Variants in MAP4 observed in about 807,000 individuals in gnomAD.
MAP4 encodes the protein microtubule-associated protein 4.
A neutral mutation model predicts 170.2 loss-of-function variants in MAP4; 76 were observed. The observed-to-expected ratio is 0.45, with a 90% CI of 0.37 to 0.54. MAP4 has a LOEUF of 0.54. Among genes scored for constraint, MAP4 ranks in the 20% least tolerant of loss-of-function variants. The pLI is 0.00. For missense variants in MAP4, 2,506 were observed against 2,748.0 expected, an observed-to-expected ratio of 0.91 and a Z score of 1.97; for synonymous variants, 909 against 994.5, an observed-to-expected ratio of 0.91 and a Z score of 1.62.
At position 47,910,364 on chromosome 3, in the gene MAP4, T is replaced by C. The variant is rs1577434989; in HGVS notation, c.4057A>G (p.Thr1353Ala). ...TTACTTGGTTTGTCAGCCACTGCAG[T>C]GTATCTATTGGCTGCATCTGTCTTA... ...ENKTDAANRYTAVADKPSKRS... is the reference protein window; with the variant it reads ...ENKTDAANRYAAVADKPSKRS... Residue 1353 changes from threonine (T) to alanine (A), a missense_variant, in exon 9 of 21, where the codon ACT (threonine) becomes GCT (alanine). By Grantham distance (58) the Thr-to-Ala change is moderately conservative (BLOSUM62 0). Coordinates refer to ENST00000683076, the MANE Select transcript of MAP4 (RefSeq NM_001385682.1). 4 of 1,538,302 alleles carry C rather than the reference T, an allele frequency of 2.6e-6. No homozygotes were observed. Among genetic ancestry groups the C allele is most frequent in the East Asian group, 2.4e-5 (1 of 41,098 alleles).
chr3:48,062,494 T>TAAAAAAAAAAA (rs1156947592), intron 1 of MAP4, among the ~76,000 whole-genome samples: 8 of 81,550 alleles, frequency 9.8e-5, no homozygotes, highest in Non-Finnish European at 1.8e-4. Flanking sequence ...GAATGATCAA[T>TAAAAAAAAAAA]AAAAAAAAAA....
intron 1 of MAP4, among the ~76,000 whole-genome samples, chr3:48,049,681 C>A (rs905456608): frequency 6.6e-6 from 1 of 151,878 alleles, no homozygotes; most frequent in Non-Finnish European, 1.5e-5. Flanking sequence ...GCCTGTAATC[C>A]CAGCACTTTG....
intron 1 of MAP4, among the ~76,000 whole-genome samples, chr3:48,056,164 G>T (rs1168273847): frequency 2.1e-5 from 3 of 140,060 alleles, no homozygotes; most frequent in African/African-American, 7.6e-5. Flanking sequence ...GGAGGGAGGT[G>T]GGGGGTCAGC....
intron 1 of MAP4, among the ~76,000 whole-genome samples, chr3:48,087,751 A>ACACACACACGCGCG (rs1559930177): frequency 6.7e-5 from 9 of 134,106 alleles, no homozygotes; most frequent in Non-Finnish European, 1.1e-4. Flanking sequence ...ACGCGCACAC[A>ACACACACACGCGCG]CACACACACA....
At chr3:47,945,516 G>A (rs2100059222) in intron 3 of MAP4, among the ~76,000 whole-genome samples, 2 of 151,918 alleles carry the variant, frequency 1.3e-5, no homozygotes, top group Non-Finnish European at 2.9e-5. Flanking sequence ...TACCTAGGTG[G>A]TGCCTAATAA....
chr3:48,021,267 A>G (rs1407459259), upstream of MAP4, among the ~76,000 whole-genome samples: 2 of 152,170 alleles, frequency 1.3e-5, no homozygotes, highest in African/African-American at 2.4e-5. Context: ...GGAAAAACCT[A>G]TAAGGTTTTA....
intron 9 of MAP4, among the ~76,000 whole-genome samples, chr3:47,904,200 T>A (rs542523296): frequency 6.6e-6 from 1 of 152,340 alleles, no homozygotes; most frequent in East Asian, 1.9e-4. Context: ...TTTTCTCACC[T>A]GAAAAATGGA....
intron 3 of MAP4, among the ~76,000 whole-genome samples, chr3:47,959,296 A>G (rs375698107): frequency 6.6e-6 from 1 of 152,124 alleles, no homozygotes; most frequent in East Asian, 1.9e-4. Flanking sequence ...CGTCTCTACT[A>G]AAAATATAAA....
chr3:47,969,846 C>T lies in MAP4; in HGVS notation c.292+8019G>A, dbSNP rs553746498. 7.4e-4 allele frequency among the ~76,000 whole-genome samples: 110 copies of T among 149,258 alleles called. 1 individual carries two copies. Among genetic ancestry groups the T allele is most frequent in the African/African-American group, 2.6e-3 (107 of 40,462 alleles). ...CTGCACTCCAGCCTGGGCGACAGAGCAAGACTCTGTCTCAAAAAAAAAAAA... is the reference window on the plus strand; with the variant it reads ...CTGCACTCCAGCCTGGGCGACAGAGTAAGACTCTGTCTCAAAAAAAAAAAA... On this transcript the variant is annotated intron_variant, in intron 3 of 20. Transcript: ENST00000683076.
chr3:47,958,114 T>C (rs1313760706), intron 3 of MAP4, among the ~76,000 whole-genome samples: 1 of 152,172 alleles, frequency 6.6e-6, no homozygotes, highest in South Asian at 2.1e-4. Flanking sequence ...TGGGAAAGAT[T>C]GAGCCCAATT....
At chr3:48,000,467 A>C (rs2100098537) in intron 1 of MAP4, among the ~76,000 whole-genome samples, 1 of 152,140 alleles carries the variant, frequency 6.6e-6, no homozygotes, top group African/African-American at 2.4e-5. Flanking sequence ...GTTTGTCCAG[A>C]AATCTATTCT....
intron 2 of MAP4, among the ~76,000 whole-genome samples, chr3:47,991,373 CA>C: frequency 6.6e-6 from 1 of 152,126 alleles, no homozygotes; most frequent in Non-Finnish European, 1.5e-5. Context: ...GTTGTAAGAA[CA>C]TATCGAGAGC....
chr3:48,028,693 A>G (rs889275198), intron 1 of MAP4, among the ~76,000 whole-genome samples: 1 of 151,662 alleles, frequency 6.6e-6, no homozygotes, highest in Non-Finnish European at 1.5e-5. Flanking sequence ...AACTGCTTGA[A>G]CCCAGGAGGC....
intron 4 of MAP4, among the ~76,000 whole-genome samples, chr3:47,926,152 G>A (rs1002674733): frequency 6.6e-5 from 10 of 151,226 alleles, no homozygotes; most frequent in African/African-American, 1.9e-4. Flanking sequence ...CACCACGCCC[G>A]GCCAATTCAG....
At chr3:47,984,656 A>C (rs1001166000) in intron 2 of MAP4, among the ~76,000 whole-genome samples, 2 of 151,182 alleles carry the variant, frequency 1.3e-5, no homozygotes, top group African/African-American at 4.9e-5. Context: ...ACATCACAAA[A>C]CCCTGTCTCT....
chr3:48,070,759 G>C (rs2100140561), intron 1 of MAP4, among the ~76,000 whole-genome samples: 1 of 151,634 alleles, frequency 6.6e-6, no homozygotes, highest in African/African-American at 2.4e-5. Flanking sequence ...CCAGCACTTT[G>C]GGAGGCAGAG....
At chr3:47,900,325 A>G (rs1356738697) in intron 10 of MAP4, among the ~76,000 whole-genome samples, 1 of 152,230 alleles carries the variant, frequency 6.6e-6, no homozygotes, top group African/African-American at 2.4e-5. Flanking sequence ...TTAACTCAAG[A>G]AAATAAATCA....
intron 1 of MAP4, among the ~76,000 whole-genome samples, chr3:48,008,294 C>G (rs1175286949): frequency 6.6e-6 from 1 of 152,178 alleles, no homozygotes; most frequent in Admixed American, 6.5e-5. Context: ...GATCAGCTGA[C>G]AGAGGAAAAG....
At chr3:47,921,476 C>T (rs987682201) in intron 5 of MAP4, among the ~76,000 whole-genome samples, 5 of 152,048 alleles carry the variant, frequency 3.3e-5, no homozygotes, top group Non-Finnish European at 7.4e-5. Context: ...CCACAATTTG[C>T]GGCCCCTAGA....
Sources: gnomAD v4.1 joint callset for allele counts (sites outside exome capture counted in the v4.1 genomes callset) on GRCh38, gnomAD v4.1.1 for gene constraint, MANE v1.5 for transcripts, NCBI Gene and HGNC (gene_info 2026-07-23, HGNC 2026-07-21) for gene names.